The following NDFIP2 variants were observed in gnomAD, a reference collection of about 807,000 sequenced individuals.
NDFIP2 encodes NEDD4 family-interacting protein 2.
A neutral mutation model predicts 36.0 loss-of-function variants in NDFIP2; 19 were observed. That is an observed-to-expected ratio of 0.53 (90% CI 0.37 to 0.77). The LOEUF is 0.77. NDFIP2 is among the 30% of genes least tolerant of loss of function. NDFIP2 has a pLI of 0.00. For missense variants in NDFIP2, 446 were observed against 435.8 expected, an observed-to-expected ratio of 1.02 and a Z score of -0.21; for synonymous variants, 181 against 167.7, an observed-to-expected ratio of 1.08 and a Z score of -0.61.
At chr13:79,525,420 A>G (rs977515219) in intron 2 of NDFIP2, among the ~76,000 whole-genome samples, 1 of 152,094 alleles carries the variant, frequency 6.6e-6, no homozygotes, top group African/African-American at 2.4e-5. Flanking sequence ...ACCTCAGCCT[A>G]CGTTTTTTTT....
intron 1 of NDFIP2, among the ~76,000 whole-genome samples, chr13:79,495,435 CATG>C (rs1214856635): frequency 6.6e-6 from 1 of 151,884 alleles, no homozygotes; most frequent in African/African-American, 2.4e-5. Context: ...GTCTATTTTA[CATG>C]ATATTAATAA....
Position 79,507,372 on chromosome 13 carries a change from C to G in NDFIP2, c.322-13438C>G. On this transcript the variant is annotated intron_variant, in intron 1 of 7. Coordinates refer to ENST00000218652, the MANE Select transcript of NDFIP2 (RefSeq NM_019080.3). ...CACTGCAAGCTCCGCCTCCCGGGTTCACGCCATTCTCCTGCCTCAGCCTCC... is the reference window on the plus strand; with the variant it reads ...CACTGCAAGCTCCGCCTCCCGGGTTGACGCCATTCTCCTGCCTCAGCCTCC... 8.8e-5 allele frequency among the ~76,000 whole-genome samples: 2 copies of G among 22,658 alleles called. 1 individual carries two copies. The highest frequency in any genetic ancestry group is 1.3e-4 in the Non-Finnish European group (2 of 15,412). 14.9% of individuals were successfully genotyped at this position (22,658 alleles called of 152,430 possible). A position where few individuals can be genotyped will look rare whatever the true frequency, so the allele number is the denominator to read the frequency against.
intron 1 of NDFIP2, among the ~76,000 whole-genome samples, chr13:79,508,538 C>T (rs969521854): frequency 2.0e-5 from 3 of 152,192 alleles, no homozygotes; most frequent in Non-Finnish European, 2.9e-5. Context: ...AACTTCCTGA[C>T]GTTGCCATGG....
rs1265258901 is a variant in NDFIP2 at position 79,555,547 on chromosome 13, ACCATTTGG to A, written c.*3037_*3044del. Reference sequence around the variant, plus strand: ...TTATTGCCACAGTGTTTTCTAATGAACCATTTGGCCTGTAGAAGAGGAATAGTATTTTT... The same window carrying A: ...TTATTGCCACAGTGTTTTCTAATGAACCTGTAGAAGAGGAATAGTATTTTT... On this transcript the variant is annotated 3_prime_UTR_variant, in exon 8 of 8. Transcript: ENST00000218652. The A allele has an allele frequency of 6.6e-6, 1 of 151,772 alleles. No homozygotes were observed. Among genetic ancestry groups the A allele is most frequent in the Non-Finnish European group, 1.5e-5 (1 of 67,898 alleles). 9.4% of individuals were successfully genotyped at this position (151,772 alleles called of 1,614,324 possible).
chr13:79,539,140 A>G (rs1375179903), intron 3 of NDFIP2, among the ~76,000 whole-genome samples: 1 of 152,214 alleles, frequency 6.6e-6, no homozygotes, highest in African/African-American at 2.4e-5. Flanking sequence ...TTTAGATTGT[A>G]TCTAATCTTT....
intron 1 of NDFIP2, among the ~76,000 whole-genome samples, chr13:79,491,443 C>T (rs1380903065): frequency 2.0e-5 from 3 of 152,082 alleles, no homozygotes; most frequent in African/African-American, 7.2e-5. Flanking sequence ...TGAATGGTGT[C>T]CTTTAGAGTT....
chr13:79,524,796 G>C (rs1874727452), intron 2 of NDFIP2, among the ~76,000 whole-genome samples: 1 of 152,156 alleles, frequency 6.6e-6, no homozygotes, highest in African/African-American at 2.4e-5. Context: ...AGGGCACATG[G>C]ATTCTTCACT....
At chr13:79,482,702 A>G (rs967971557) in intron 1 of NDFIP2, among the ~76,000 whole-genome samples, 1 of 152,242 alleles carries the variant, frequency 6.6e-6, no homozygotes, top group African/African-American at 2.4e-5. Flanking sequence ...ATGAGATCCT[A>G]AAGTATGTAA....
rs1415818159 is a variant in NDFIP2 at position 79,481,203 on chromosome 13, G to GC, written c.-1_1insC. 2 of 1,504,388 alleles carry GC rather than the reference G, an allele frequency of 1.3e-6. No homozygotes were observed. The highest frequency in any genetic ancestry group is 5.1e-5 in the East Asian group (2 of 39,486). 93.2% of individuals were successfully genotyped at this position (1,504,388 alleles called of 1,614,324 possible). On this transcript the variant is annotated 5_prime_UTR_variant, in exon 1 of 8. Transcript: ENST00000218652. ...GCTATACCCTCCCACTGGCGGCGCG[G>GC]ATGGCACGCCGGCGGAGCCAGCGAG...
At chr13:79,544,367 A>G (rs1165893122) in intron 5 of NDFIP2, among the ~76,000 whole-genome samples, 1 of 152,154 alleles carries the variant, frequency 6.6e-6, no homozygotes, top group Non-Finnish European at 1.5e-5. Context: ...TCCCCATCTT[A>G]ACAACTTTTC....
At position 79,554,627 on chromosome 13, in the gene NDFIP2, G is replaced by A. The variant is rs1876038375; in HGVS notation, c.*2114G>A. The A allele has an allele frequency of 6.6e-6, 1 of 151,764 alleles. No homozygotes were observed. Among genetic ancestry groups the A allele is most frequent in the Non-Finnish European group, 1.5e-5 (1 of 67,794 alleles). The allele number at this position is 151,764 out of a possible 1,614,324, so 9.4% of individuals were successfully genotyped here. ...GGTAGCCTTAAATCTCATCATGTAA[G>A]CAGGGGAATCAGAATGTTATTTTCA... is the stretch of plus-strand genomic sequence containing the variant. On this transcript the variant is annotated 3_prime_UTR_variant, in exon 8 of 8. Transcript: ENST00000218652.
chr13:79,503,553 A>G (rs1404762734), intron 1 of NDFIP2, among the ~76,000 whole-genome samples: 1 of 152,130 alleles, frequency 6.6e-6, no homozygotes, highest in East Asian at 1.9e-4. Flanking sequence ...TGGGATAAGG[A>G]ACCAAGTTGT....
chr13:79,496,554 C>G (rs1440735990), intron 1 of NDFIP2, among the ~76,000 whole-genome samples: 1 of 151,830 alleles, frequency 6.6e-6, no homozygotes, highest in East Asian at 1.9e-4. Flanking sequence ...TTTGGGCTTA[C>G]TAAAGTTGAA....
intron 1 of NDFIP2, among the ~76,000 whole-genome samples, chr13:79,506,070 T>G (rs1197621646): frequency 6.6e-6 from 1 of 152,194 alleles, no homozygotes; most frequent in Non-Finnish European, 1.5e-5. Flanking sequence ...TTGTAGAAAC[T>G]TATTCCTTTA....
At chr13:79,494,312 A>G (rs1025663356) in intron 1 of NDFIP2, among the ~76,000 whole-genome samples, 5 of 152,096 alleles carry the variant, frequency 3.3e-5, no homozygotes, top group Non-Finnish European at 5.9e-5. Flanking sequence ...TATGAAAACC[A>G]TCTAATTTTT....
chr13:79,529,806 G>A (rs1874940376), intron 2 of NDFIP2, among the ~76,000 whole-genome samples: 1 of 152,152 alleles, frequency 6.6e-6, no homozygotes, highest in Admixed American at 6.5e-5. Context: ...AGACAAAATT[G>A]TAAACAAATG....
At chr13:79,515,089 G>A (rs1196581929) in intron 1 of NDFIP2, among the ~76,000 whole-genome samples, 2 of 152,112 alleles carry the variant, frequency 1.3e-5, no homozygotes, top group Admixed American at 6.5e-5. Context: ...ACATACCTTG[G>A]CCGTATGGTA....
chr13:79,515,718 G>C (rs1874284019), intron 1 of NDFIP2, among the ~76,000 whole-genome samples: 2 of 152,154 alleles, frequency 1.3e-5, no homozygotes, highest in South Asian at 2.1e-4. Context: ...TGTAGGTTTA[G>C]AACACTTAGG....
At chr13:79,499,180 CAT>C (rs1873560440) in intron 1 of NDFIP2, among the ~76,000 whole-genome samples, 1 of 151,814 alleles carries the variant, frequency 6.6e-6, no homozygotes, top group Non-Finnish European at 1.5e-5. Flanking sequence ...TCAGAAAAAG[CAT>C]TAAAGTCCAA....
Sources: gnomAD v4.1 joint callset for allele counts (sites outside exome capture counted in the v4.1 genomes callset) on GRCh38, gnomAD v4.1.1 for gene constraint, MANE v1.5 for transcripts, NCBI Gene and HGNC (gene_info 2026-07-23, HGNC 2026-07-21) for gene names.